Variants in MELTF observed in about 807,000 individuals in gnomAD.
The protein encoded by MELTF is melanotransferrin.
A neutral mutation model predicts 83.7 loss-of-function variants in MELTF; 67 were observed. That is an observed-to-expected ratio of 0.80 (90% confidence interval 0.66 to 0.98). MELTF has a LOEUF of 0.98. MELTF is among the 50% of genes least tolerant of loss of function. The pLI, the probability that MELTF is intolerant of heterozygous loss-of-function variation, is 0.00. For missense variants in MELTF, 1,002 were observed against 1,035.6 expected (o/e 0.97, Z 0.44); for synonymous variants, 462 against 447.6 (o/e 1.03, Z -0.41).
At chr3:197,012,509 C>A (rs906028203) in intron 9 of MELTF, among the ~76,000 whole-genome samples, 2 of 152,236 alleles carry the variant, frequency 1.3e-5, no homozygotes, top group Non-Finnish European at 2.9e-5. Context: ...GCCTTCCAGT[C>A]GATGTGGTTC....
chr3:197,017,450 G>C (rs1259797904), intron 6 of MELTF, among the ~76,000 whole-genome samples, 160 bp from the exon 7 acceptor site: 2 of 152,144 alleles, frequency 1.3e-5, no homozygotes, highest in Non-Finnish European at 2.9e-5. Flanking sequence ...CCCAACTCCA[G>C]GTACCTACAC....
chr3:197,027,627 A>T, intron 2 of MELTF, 129 bp downstream of exon 2: 1 of 1,219,342 alleles, frequency 8.2e-7, no homozygotes, highest in Admixed American at 2.5e-5. Context: ...GGCCAGGGAG[A>T]CTCGGGAGAT....
intron 10 of MELTF, 44 bp from the exon 11 acceptor site, chr3:197,009,856 C>G: frequency 6.4e-7 from 1 of 1,567,126 alleles, no homozygotes; most frequent in Admixed American, 1.7e-5. Context: ...CATCTGAGAG[C>G]CCGGGCAAGT....
intron 10 of MELTF, 65 bp downstream of exon 10, chr3:197,010,633 T>C: frequency 1.4e-6 from 2 of 1,396,788 alleles, no homozygotes; most frequent in East Asian, 2.3e-5. Flanking sequence ...AGGGGGGCAC[T>C]CTTTTATATT....
Position 197,028,115 on chromosome 3 carries a change from A to G in MELTF, c.50-205T>C, listed in dbSNP as rs7643801. The G allele has an allele frequency of 1.1e-3, 632 of 580,998 alleles. 3 individuals are homozygous for G. The highest frequency in any genetic ancestry group is 9.9e-3 in the African/African-American group (536 of 53,902). 36.0% of individuals were successfully genotyped at this position (580,998 alleles called of 1,614,324 possible). A position where few individuals can be genotyped will look rare whatever the true frequency, so the allele number is the denominator to read the frequency against. On this transcript the variant is annotated intron_variant, in intron 1 of 15. Coordinates refer to ENST00000296350, the MANE Select transcript of MELTF (RefSeq NM_005929.6). ...TGTGCTCAGGGCCTCTCTGACCAGG[A>G]GCACGGCTGCTGGCAAATGGAATGG...
chr3:197,018,806 T>TG (rs1320340694), intron 6 of MELTF: 1 of 544,194 alleles, frequency 1.8e-6, no homozygotes. Context: ...GCATCCTATT[T>TG]GGTAGAGTAT....
At chr3:197,009,904 G>T in intron 10 of MELTF, 92 bp from the exon 11 acceptor site, 1 of 1,178,268 alleles carries the variant, frequency 8.5e-7, no homozygotes, top group Non-Finnish European at 1.2e-6. Context: ...ACTCCTTCCT[G>T]TCTCTTTGCC....
intron 7 of MELTF, among the ~76,000 whole-genome samples, chr3:197,016,670 G>C (rs550403316): frequency 5.2e-4 from 80 of 152,394 alleles, no homozygotes; most frequent in African/African-American, 1.7e-3. Context: ...GGTGGTAGCA[G>C]CCTGGATAGG....
rs1719058322 is a variant in MELTF, at chr3:197,008,564, C to G, written c.1750+93G>C. Reference sequence around the variant, plus strand: ...TAGACTCAGCCTCTCTGAGCTGCTGCTTGGCCCCAGCCCAGCATGGTGTCT... The same window carrying G: ...TAGACTCAGCCTCTCTGAGCTGCTGGTTGGCCCCAGCCCAGCATGGTGTCT... On this transcript the variant is annotated intron_variant, in intron 13 of 15. Coordinates refer to ENST00000296350, the MANE Select transcript of MELTF (RefSeq NM_005929.6). This position sits in a 1 kb window ranked among gnomAD's most constrained non-coding sequence, Gnocchi z 5.4. 1 of 1,416,520 alleles carries G rather than the reference C, an allele frequency of 7.1e-7. No individual in the cohort carries two copies. The highest frequency in any genetic ancestry group is 9.7e-7 in the Non-Finnish European group (1 of 1,028,078). 87.7% of individuals were successfully genotyped at this position (1,416,520 alleles called of 1,614,324 possible).
chr3:197,009,932 A>C, intron 10 of MELTF, 120 bp from the exon 11 acceptor site: 2 of 949,452 alleles, frequency 2.1e-6, no homozygotes, highest in Non-Finnish European at 1.6e-6. Context: ...TGCAGGCCAA[A>C]GAGTACCCAG....
chr3:197,003,851 G>T lies in MELTF; in HGVS notation c.2137+50C>A. 1.3e-6 allele frequency: 2 copies of T among 1,581,320 alleles called. No individual in the cohort carries two copies. Among genetic ancestry groups the T allele is most frequent in the Non-Finnish European group, 1.7e-6 (2 of 1,158,706 alleles). ...CCCCGCTCCCTCAGGGTTCTGGGGT[G>T]AAGGGGTCTGAATAGCACCAGGGGA... On this transcript the variant is annotated intron_variant, in intron 15 of 15. Transcript: ENST00000296350. The surrounding 1 kb of genome is among the most constrained non-coding windows in gnomAD (Gnocchi z 6.2).
At chr3:197,027,266 C>T (rs1038692307) in intron 2 of MELTF, among the ~76,000 whole-genome samples, 2 of 152,204 alleles carry the variant, frequency 1.3e-5, no homozygotes, top group Admixed American at 6.5e-5. Flanking sequence ...TCTTTGCACC[C>T]ACCCAGGAGG....
rs1577927881 is a variant in MELTF at position 197,008,759 on chromosome 3, A to G, written c.1683-35T>C. On this transcript the variant is annotated intron_variant, in intron 12 of 15. Coordinates refer to ENST00000296350, the MANE Select transcript of MELTF (RefSeq NM_005929.6). This position sits in a 1 kb window ranked among gnomAD's most constrained non-coding sequence, Gnocchi z 5.4. ...AGAGGGCAGGGCAGGCGTCGGCAGG[A>G]GGGTCCCAGCCTCTGCACACAGCCC... 1 of 1,613,806 alleles carries G rather than the reference A, an allele frequency of 6.2e-7. No individual in the cohort carries two copies. Among genetic ancestry groups the G allele is most frequent in the Non-Finnish European group, 8.5e-7 (1 of 1,179,864 alleles).
In MELTF at chr3:197,003,661, C is replaced by T; in HGVS notation, c.2138-210G>A. 3 of 664,256 alleles carry T rather than the reference C, an allele frequency of 4.5e-6. No individual in the cohort carries two copies. Among genetic ancestry groups the T allele is most frequent in the South Asian group, 2.0e-5 (1 of 49,562 alleles). 41.1% of individuals were successfully genotyped at this position (664,256 alleles called of 1,614,324 possible). ...CTCTGCCGTGGCCCCAGATCCTCCC[C>T]GCGCCGCCGTTTTGAGCGTTCACAC... On this transcript the variant is annotated intron_variant, in intron 15 of 15. Coordinates refer to ENST00000296350, the MANE Select transcript of MELTF (RefSeq NM_005929.6). The surrounding 1 kb of genome is among the most constrained non-coding windows in gnomAD (Gnocchi z 6.2).
In MELTF at chr3:197,014,720, T is replaced by C. The variant is rs372073243; in HGVS notation, c.1233+645A>G. 6.3e-4 allele frequency among the ~76,000 whole-genome samples: 96 copies of C among 152,258 alleles called. 2 individuals are homozygous for C. The South Asian group carries it at 0.019, about 31-fold the overall frequency. On this transcript the variant is annotated intron_variant, in intron 9 of 15. Transcript: ENST00000296350. ...AGATAGGAGGAATAAGCTCCAGTGT[T>C]CTATAGACTGTAGGATGACTAGAGT... is the stretch of plus-strand genomic sequence containing the variant.
intron 9 of MELTF, among the ~76,000 whole-genome samples, chr3:197,014,383 G>GGTTT (rs747329235): frequency 1.9e-4 from 19 of 101,060 alleles, no homozygotes; most frequent in African/African-American, 5.4e-4. Context: ...AATAGGGAGA[G>GGTTT]TTTTTTTTTT....
intron 9 of MELTF, 37 bp downstream of exon 9, chr3:197,015,328 G>T: frequency 1.3e-6 from 2 of 1,532,440 alleles, no homozygotes; most frequent in Non-Finnish European, 1.8e-6. Context: ...GCCACCACCC[G>T]CCCACCTGGC....
At position 197,023,101 on chromosome 3, in the gene MELTF, T is replaced by C. The variant is rs1269738220; in HGVS notation, c.500A>G (p.Tyr167Cys). The change falls in exon 5 of 16, where the codon TAT becomes TGT. Residue 167 changes from tyrosine (Y) to cysteine (C), a missense_variant. Physicochemically the swap from Tyr to Cys is radical, Grantham distance 194. Transcript: ENST00000296350. Reference protein sequence around the residue: ...GCDVLKAVSDYFGGSCVPGAG... With the variant: ...GCDVLKAVSDCFGGSCVPGAG... ...CCCCGGGACGCAGCTGCCCCCAAAA[T>C]AGTCGCTGACAGCTGTGGGAAGGAG... The C allele has an allele frequency of 1.9e-6, 3 of 1,613,594 alleles. No individual in the cohort carries two copies. Among genetic ancestry groups the C allele is most frequent in the Non-Finnish European group, 1.7e-6 (2 of 1,179,974 alleles).
rs894545864 is a variant in MELTF at position 197,006,234 on chromosome 3, A to C, written c.1938+315T>G. On this transcript the variant is annotated intron_variant, in intron 14 of 15. Transcript: ENST00000296350. This position sits in a 1 kb window ranked among gnomAD's most constrained non-coding sequence, Gnocchi z 5.4. ...AAGACTCCGTCTCAAAAAAAAAAGA[A>C]AAAAAGGGAGCAGGATTACAGCTGC... 1.3e-5 allele frequency among the ~76,000 whole-genome samples: 2 copies of C among 151,922 alleles called. No individual in the cohort carries two copies. Among genetic ancestry groups the C allele is most frequent in the Admixed American group, 6.6e-5 (1 of 15,246 alleles).
Sources: allele counts gnomAD v4.1 joint callset (sites outside exome capture counted in the v4.1 genomes callset), GRCh38; gene constraint gnomAD v4.1.1; non-coding constraint Gnocchi (gnomAD v3.1); transcripts MANE v1.5; gene names NCBI Gene and HGNC (gene_info 2026-07-23, HGNC 2026-07-21).